The following GNMT variants were observed in gnomAD, a reference collection of about 807,000 sequenced individuals.
The protein encoded by GNMT is epididymis secretory sperm binding protein Li 182mP.
Under a neutral mutation model 30.2 loss-of-function variants are expected in GNMT, and 26 were observed. The observed-to-expected ratio is 0.86, with a 90% CI of 0.63 to 1.19. The LOEUF (loss-of-function observed/expected upper bound fraction) is 1.19, where lower values mean the gene tolerates loss of function less well. Ranked by LOEUF, GNMT falls within the 50% of genes most tolerant of loss-of-function variation. GNMT has a pLI of 0.00. For synonymous variants in GNMT, 163 were observed against 163.8 expected (o/e 1.00, Z 0.04); for missense variants, 365 against 398.1 (o/e 0.92, Z 0.71).
At chr6:42,961,555 T>TTTTTTTTC (rs1769388854) in intron 1 of GNMT, among the ~76,000 whole-genome samples, 1 of 27,774 alleles carries the variant, frequency 3.6e-5, no homozygotes, top group African/African-American at 1.2e-3. Flanking sequence ...TTTCTCTTTT[T>TTTTTTTTC]TTTTTTTTTT....
Position 42,963,872 on chromosome 6 carries a change from GTTCC to G in GNMT, c.*168_*171del. 1 of 666,606 alleles carries G rather than the reference GTTCC, an allele frequency of 1.5e-6. No homozygotes were observed. The highest frequency in any genetic ancestry group is 2.6e-6 in the Non-Finnish European group (1 of 385,024). The allele number at this position is 666,606 out of a possible 1,614,324, so 41.3% of individuals were successfully genotyped here. A position where few individuals can be genotyped will look rare whatever the true frequency, so the allele number is the denominator to read the frequency against. ...AGGGTAAACAATATAGTCTTTTTCA[GTTCC>G]TGCATGCATTGTGTTTATTTATGTC... On this transcript the variant is annotated 3_prime_UTR_variant, in exon 6 of 6. Transcript: ENST00000372808.
chr6:42,963,725 C>A lies in GNMT; in HGVS notation c.*19C>A, dbSNP rs766361112. ...AGACTGAGTGTGGCCTCAGCTCCCA[C>A]AAGCCTCTGCCCAGGCACTGCTAGG... On this transcript the variant is annotated 3_prime_UTR_variant, in exon 6 of 6. Transcript: ENST00000372808. 5.0e-6 allele frequency: 8 copies of A among 1,612,528 alleles called. No homozygotes were observed. The highest frequency in any genetic ancestry group is 1.1e-5 in the South Asian group (1 of 91,030).
chr6:42,962,066 A>C lies in GNMT; in HGVS notation c.207-146A>C, dbSNP rs201807718. 4.5e-6 allele frequency: 4 copies of C among 888,122 alleles called. No individual in the cohort carries two copies. The East Asian group carries it at 1.0e-4, about 23-fold the overall frequency. The allele number at this position is 888,122 out of a possible 1,614,324, so 55.0% of individuals were successfully genotyped here. The stretch of plus-strand genomic sequence containing the variant: ...TGTGGTGACAGGAAACAGATTTGTG[A>C]GGTCAGTGGAGAGGGCCTGGGGAGA... On this transcript the variant is annotated intron_variant, in intron 1 of 5. Transcript: ENST00000372808.
chr6:42,962,423 G>T (rs1474676823), intron 2 of GNMT, 84 bp downstream of exon 2: 4 of 1,443,104 alleles, frequency 2.8e-6, no homozygotes, highest in Admixed American at 1.7e-5. Flanking sequence ...GTGGGGGCGG[G>T]GGTGGAGTGT....
In GNMT at chr6:42,962,310, G is replaced by A. The variant is rs780720604; in HGVS notation, c.305G>A (p.Arg102Gln). 2.5e-5 allele frequency: 40 copies of A among 1,614,028 alleles called. No homozygotes were observed. Among genetic ancestry groups the A allele is most frequent in the Middle Eastern group, 1.6e-4 (1 of 6,084 alleles). ...LKYALKERWNRRHEPAFDKWV... is the reference protein window; with the variant it reads ...LKYALKERWNQRHEPAFDKWV... ...TATGCACTTAAGGAGCGCTGGAACC[G>A]GCGGCACGAGCCCGCCTTCGACAAG... Residue 102 changes from arginine to glutamine, a missense_variant, in exon 2 of 6, where the codon CGG becomes CAG. Physicochemically the swap from Arg to Gln is conservative, Grantham distance 43. This residue lies in a region of GNMT where 232 missense variants were observed against 263.0 expected (regional missense o/e 0.88). Coordinates refer to ENST00000372808, the MANE Select transcript of GNMT (RefSeq NM_018960.6).
intron 1 of GNMT, among the ~76,000 whole-genome samples, chr6:42,961,550 C>CTTTTTTTTTTTTTTTTTTTTT (rs575786265): frequency 7.7e-6 from 1 of 130,620 alleles, no homozygotes; most frequent in Admixed American, 8.6e-5. Flanking sequence ...CTATTTTTCT[C>CTTTTTTTTTTTTTTTTTTTTT]TTTTTTTTTT....
Position 42,960,761 on chromosome 6 carries a change from G to C in GNMT, c.-7G>C. Reference sequence around the variant, plus strand: ...GCGGGTGGCTGCGGAGCCAGGCGCGGCGCAGGATGGTGGACAGCGTGTACC... The same window carrying C: ...GCGGGTGGCTGCGGAGCCAGGCGCGCCGCAGGATGGTGGACAGCGTGTACC... On this transcript the variant is annotated 5_prime_UTR_variant, in exon 1 of 6. Coordinates refer to ENST00000372808, the MANE Select transcript of GNMT (RefSeq NM_018960.6). The C allele has an allele frequency of 6.6e-7, 1 of 1,514,456 alleles. No homozygotes were observed. Among genetic ancestry groups the C allele is most frequent in the Non-Finnish European group, 8.9e-7 (1 of 1,128,728 alleles). 93.8% of individuals were successfully genotyped at this position (1,514,456 alleles called of 1,614,324 possible).
intron 2 of GNMT, among the ~76,000 whole-genome samples, chr6:42,962,557 C>A (rs1245569426): frequency 3.9e-5 from 6 of 152,154 alleles, no homozygotes; most frequent in Non-Finnish European, 8.8e-5. Flanking sequence ...TCTTGTCCCT[C>A]CCCTCAAAGA....
At chr6:42,961,011 CG>C in intron 1 of GNMT, 38 bp downstream of exon 1, 1 of 1,489,658 alleles carries the variant, frequency 6.7e-7, no homozygotes, top group Non-Finnish European at 9.0e-7. Context: ...TGCATGAGAT[CG>C]GGGTCTGTCT....
chr6:42,963,295 A>G, intron 4 of GNMT, 33 bp from the exon 5 acceptor site: 1 of 1,588,314 alleles, frequency 6.3e-7, no homozygotes, highest in Non-Finnish European at 8.6e-7. Flanking sequence ...GGTGGGTTAC[A>G]GAGGCTAATG....
chr6:42,962,447 G>T (rs924523011), intron 2 of GNMT, 108 bp downstream of exon 2: 7 of 1,214,838 alleles, frequency 5.8e-6, no homozygotes, highest in Non-Finnish European at 8.3e-6. Flanking sequence ...GTTTTCCTCG[G>T]GGAGACAGAA....
chr6:42,962,502 T>G (rs546013977), intron 2 of GNMT, among the ~76,000 whole-genome samples, 163 bp downstream of exon 2: 2 of 152,226 alleles, frequency 1.3e-5, no homozygotes, highest in South Asian at 2.1e-4. Context: ...AGCTCCAGAA[T>G]GAGACACCGG....
At position 42,962,422 on chromosome 6, in the gene GNMT, G is replaced by T. The variant is rs1769453815; in HGVS notation, c.334+83G>T. The T allele has an allele frequency of 1.5e-5, 22 of 1,442,540 alleles. No individual in the cohort carries two copies. The South Asian group carries it at 2.4e-4, about 16-fold the overall frequency. The allele number at this position is 1,442,540 out of a possible 1,614,324, so 89.4% of individuals were successfully genotyped here. Reference sequence around the variant, plus strand: ...CCTGGGGCTCCTTTAAGTGGGGGCGGGGGTGGAGTGTTGTGTTTTCCTCGG... The same window carrying T: ...CCTGGGGCTCCTTTAAGTGGGGGCGTGGGTGGAGTGTTGTGTTTTCCTCGG... On this transcript the variant is annotated intron_variant, in intron 2 of 5. Transcript: ENST00000372808.
intron 4 of GNMT, 26 bp downstream of exon 4, chr6:42,963,240 G>C (rs1243234998): frequency 1.0e-6 from 1 of 962,972 alleles, no homozygotes; most frequent in South Asian, 1.4e-5. Context: ...GTGGGGGTGG[G>C]GGTGGGGGTG....
rs748483425 is a variant in GNMT, at chr6:42,962,738, CCT to C, written c.335-21_335-20del. Reference sequence around the variant, plus strand: ...CTGGTACCATCGTGCCTCCCTGATTCCTCTTTCTCTTCCTGACCCCTAGTCAT... The same window carrying C: ...CTGGTACCATCGTGCCTCCCTGATTCCTTTCTCTTCCTGACCCCTAGTCAT... On this transcript the variant is annotated intron_variant, in intron 2 of 5. Coordinates refer to ENST00000372808, the MANE Select transcript of GNMT (RefSeq NM_018960.6). 4 of 1,536,878 alleles carry C rather than the reference CCT, an allele frequency of 2.6e-6. No homozygotes were observed. The African/African-American group carries it at 5.4e-5, about 21-fold the overall frequency.
intron 2 of GNMT, 57 bp downstream of exon 2, chr6:42,962,396 G>A: frequency 6.3e-7 from 1 of 1,592,716 alleles, no homozygotes; most frequent in African/African-American, 1.3e-5. Flanking sequence ...TGTTCATTCT[G>A]CCTGGGGCTC....
chr6:42,961,922 C>G (rs559033590), intron 1 of GNMT, among the ~76,000 whole-genome samples: 24 of 152,286 alleles, frequency 1.6e-4, no homozygotes, highest in African/African-American at 5.8e-4. Flanking sequence ...CAAGGAGCCT[C>G]AGCTTGTCTG....
In GNMT at chr6:42,960,952, T is replaced by C. The variant is rs1315909137; in HGVS notation, c.185T>C (p.Leu62Pro). 1 of 1,562,624 alleles carries C rather than the reference T, an allele frequency of 6.4e-7. No individual in the cohort carries two copies. The highest frequency in any genetic ancestry group is 1.3e-5 in the African/African-American group (1 of 74,150). Residue 62 changes from leucine (L) to proline (P), a missense_variant, in exon 1 of 6, where the codon CTC (leucine) becomes CCC (proline). Transcript: ENST00000372808. ...LLRQHGCQRVLDVACGTGVDS... is the reference protein window; with the variant it reads ...LLRQHGCQRVPDVACGTGVDS... ...CGCCAGCACGGCTGCCAGCGGGTGC[T>C]CGACGTAGCCTGTGGCACTGGGTGA...
chr6:42,963,034 G>A (rs1581752072), intron 3 of GNMT, 38 bp from the exon 4 acceptor site: 3 of 1,610,366 alleles, frequency 1.9e-6, no homozygotes, highest in Admixed American at 3.3e-5. Context: ...TGGGGGCCCT[G>A]AGCAGATGGA....
Sources: gnomAD v4.1 joint callset for allele counts (sites outside exome capture counted in the v4.1 genomes callset) on GRCh38, gnomAD v4.1.1 for gene constraint, gnomAD v4.1.1 regional missense constraint, MANE v1.5 for transcripts, NCBI Gene and HGNC (gene_info 2026-07-23, HGNC 2026-07-21) for gene names.